Variants in TP63 observed in about 807,000 individuals in gnomAD.
TP63 encodes tumor protein p63.
Under a neutral mutation model 82.8 loss-of-function variants are expected in TP63, and 17 were observed. That is an observed-to-expected ratio of 0.21 (90% confidence interval 0.14 to 0.31). The LOEUF (loss-of-function observed/expected upper bound fraction) is 0.31, where lower values mean the gene tolerates loss of function less well. TP63 is among the 10% of genes least tolerant of loss of function. The pLI is 1.00. For synonymous variants in TP63, 330 were observed against 321.7 expected (o/e 1.03, Z -0.28); for missense variants, 648 against 895.3 (o/e 0.72, Z 3.52).
intron 1 of TP63, among the ~76,000 whole-genome samples, chr3:189,737,134 T>G (rs1169751521): frequency 6.6e-6 from 1 of 152,068 alleles, no homozygotes; most frequent in Non-Finnish European, 1.5e-5. Context: ...TACACTTTAA[T>G]TAAGAACCAC....
intron 3 of TP63, among the ~76,000 whole-genome samples, chr3:189,743,318 G>A (rs1368788238): frequency 6.6e-6 from 1 of 152,168 alleles, no homozygotes; most frequent in Non-Finnish European, 1.5e-5. Flanking sequence ...CAATGCTAGT[G>A]AGATTGTTGA....
chr3:189,740,880 C>G (rs540610711), intron 3 of TP63, among the ~76,000 whole-genome samples: 2 of 152,308 alleles, frequency 1.3e-5, no homozygotes, highest in African/African-American at 4.8e-5. Flanking sequence ...GGATACCATT[C>G]ACATTTTTTC....
chr3:189,751,292 G>A (rs989055945), intron 3 of TP63, among the ~76,000 whole-genome samples: 21 of 152,138 alleles, frequency 1.4e-4, no homozygotes, highest in Non-Finnish European at 5.9e-5. Flanking sequence ...GTGTGCATGT[G>A]TCTTTATAGT....
rs376434957 is a variant in TP63, at chr3:189,738,782, G to A, written c.324+8G>A. The A allele has an allele frequency of 6.2e-6, 10 of 1,613,948 alleles. No individual in the cohort carries two copies. In the South Asian group the frequency reaches 1.1e-4, roughly 18 times the overall value. ...CTGAGTGACCCCATGTGGGTGAGTG[G>A]CACAGGCTTTCTCTTCAGTCTTTGG... is the stretch of plus-strand genomic sequence containing the variant. On this transcript the variant is annotated splice_region_variant and intron_variant, in intron 3 of 13. Coordinates refer to ENST00000264731, the MANE Select transcript of TP63 (RefSeq NM_003722.5).
Position 189,861,649 on chromosome 3 carries a change from T to C in TP63, c.580-2583T>C, listed in dbSNP as rs1048839548. ...ACCATTAAATGAGTAAGCAATATAC[T>C]GAGAAATTAATAAAACTATGTTAAA... On this transcript the variant is annotated intron_variant, in intron 4 of 13. Transcript: ENST00000264731. Among the ~76,000 whole-genome samples, 2 of 152,330 alleles carry C rather than the reference T, an allele frequency of 1.3e-5. 1 individual carries two copies. The highest frequency in any genetic ancestry group is 6.8e-3 in the Middle Eastern group (2 of 294).
intron 3 of TP63, among the ~76,000 whole-genome samples, chr3:189,748,506 TACA>T (rs1721547903): frequency 1.7e-4 from 1 of 5,776 alleles, no homozygotes; most frequent in Non-Finnish European, 3.6e-4. Flanking sequence ...CAAGGAAAAC[TACA>T]AAAAAAAAAA....
intron 3 of TP63, among the ~76,000 whole-genome samples, chr3:189,791,444 G>C (rs779107039): frequency 6.6e-6 from 1 of 152,038 alleles, no homozygotes; most frequent in Non-Finnish European, 1.5e-5. Context: ...CTTTTATGGA[G>C]GCAAAAGAGT....
In TP63 at chr3:189,894,797, T is replaced by A. The variant is rs886058226; in HGVS notation, c.*295T>A. 1.1e-5 allele frequency: 5 copies of A among 436,592 alleles called. No homozygotes were observed. The highest frequency in any genetic ancestry group is 6.3e-4 in the Middle Eastern group (1 of 1,594). 27.0% of individuals were successfully genotyped at this position (436,592 alleles called of 1,614,324 possible). The stretch of plus-strand genomic sequence containing the variant: ...AAGCTGCAGAGATTTCTCATTGACT[T>A]TTATAAAGCATGTTCACCCTTATAG... On this transcript the variant is annotated 3_prime_UTR_variant, in exon 14 of 14. Coordinates refer to ENST00000264731, the MANE Select transcript of TP63 (RefSeq NM_003722.5).
chr3:189,758,207 A>G (rs1043485449), intron 3 of TP63, among the ~76,000 whole-genome samples: 1 of 152,206 alleles, frequency 6.6e-6, no homozygotes, highest in Non-Finnish European at 1.5e-5. Flanking sequence ...GCAGTTCACA[A>G]CAGGGTTCGT....
chr3:189,712,742 G>A (rs992381952), intron 1 of TP63, among the ~76,000 whole-genome samples: 1 of 150,996 alleles, frequency 6.6e-6, no homozygotes, highest in Non-Finnish European at 1.5e-5. Flanking sequence ...AATATGGAAA[G>A]GTGTTTCAGA....
rs752535926 is a variant in TP63, at chr3:189,864,414, C to T, written c.762C>T (p.Asn254=). ...ACCATGAGCTGAGCCGTGAATTCAA[C>T]GAGGGTAAGCAGAATTTGAATCTCT... ...CPNHELSREF[N]EGQIAPPSHL... is the part of the protein sequence containing the mutation. The change falls in exon 5 of 14, where the codon AAC becomes AAT. Residue 254 remains asparagine, a synonymous_variant. Transcript: ENST00000264731. The T allele has an allele frequency of 3.3e-5, 54 of 1,612,176 alleles. No homozygotes were observed. The highest frequency in any genetic ancestry group is 1.2e-4 in the South Asian group (11 of 90,874).
chr3:189,864,478 A>G, intron 5 of TP63, 60 bp downstream of exon 5: 1 of 1,525,340 alleles, frequency 6.6e-7, no homozygotes, highest in South Asian at 1.2e-5. Flanking sequence ...TTCTGTGGGC[A>G]TTTTTGTTTG....
rs2108873838 is a variant in TP63 at position 189,894,332 on chromosome 3, A to G, written c.1873A>G (p.Thr625Ala). The G allele has an allele frequency of 1.9e-6, 3 of 1,613,938 alleles. No homozygotes were observed. Among genetic ancestry groups the G allele is most frequent in the Non-Finnish European group, 2.5e-6 (3 of 1,179,976 alleles). ...HLLRTPSSASTVSVGSSETRG... is the reference protein window; with the variant it reads ...HLLRTPSSASAVSVGSSETRG... ...CCTGCGGACCCCAAGCAGTGCCTCTACAGTCAGTGTGGGCTCCAGTGAGAC... is the reference window on the plus strand; with the variant it reads ...CCTGCGGACCCCAAGCAGTGCCTCTGCAGTCAGTGTGGGCTCCAGTGAGAC... Residue 625 changes from threonine to alanine, a missense_variant, in exon 14 of 14, where the codon ACA becomes GCA. By Grantham distance (58) the Thr-to-Ala change is moderately conservative. Coordinates refer to ENST00000264731, the MANE Select transcript of TP63 (RefSeq NM_003722.5).
rs1395004909 is a variant in TP63, at chr3:189,895,261, G to T, written c.*759G>T. The T allele has an allele frequency of 4.5e-6, 1 of 220,788 alleles. No individual in the cohort carries two copies. The highest frequency in any genetic ancestry group is 2.2e-5 in the African/African-American group (1 of 44,602). The allele number at this position is 220,788 out of a possible 1,614,324, so 13.7% of individuals were successfully genotyped here. On this transcript the variant is annotated 3_prime_UTR_variant, in exon 14 of 14. Transcript: ENST00000264731. ...TATAAGAAGAAGTTCATGTCCAAACGTCCTCTTTAGTTTTTGGTTGGGAAT... is the reference window on the plus strand; with the variant it reads ...TATAAGAAGAAGTTCATGTCCAAACTTCCTCTTTAGTTTTTGGTTGGGAAT...
At chr3:189,708,674 C>T (rs865989493) in intron 1 of TP63, among the ~76,000 whole-genome samples, 3 of 152,198 alleles carry the variant, frequency 2.0e-5, no homozygotes, top group Middle Eastern at 6.8e-3. Flanking sequence ...GGTCTTGAAC[C>T]CCTAAACCCA....
chr3:189,889,411 C>A lies in TP63; in HGVS notation c.1579C>A (p.Pro527Thr), dbSNP rs1239219693. ...ACTCAGCCCCACCCAGGCACTCCCT[C>A]CCCCACTCTCCATGCCATCCACCTC... Reference protein sequence around the residue: ...NGLSPTQALPPPLSMPSTSHC... With the variant: ...NGLSPTQALPTPLSMPSTSHC... Residue 527 changes from proline (P) to threonine (T), a missense_variant, in exon 12 of 14, where the codon CCC becomes ACC. Transcript: ENST00000264731. 3 of 1,614,088 alleles carry A rather than the reference C, an allele frequency of 1.9e-6. No individual in the cohort carries two copies. The South Asian group carries it at 3.3e-5, about 18-fold the overall frequency.
intron 1 of TP63, among the ~76,000 whole-genome samples, chr3:189,711,698 GCAGTACCATAATGACTGACAGCCTA>G (rs1446578047): frequency 1.3e-5 from 2 of 152,108 alleles, no homozygotes; most frequent in African/African-American, 4.8e-5. Context: ...TTGTGTTGTA[GCAGTACCATAATGACTGACAGCCTA>G]CAGTACTCTG....
intron 1 of TP63, among the ~76,000 whole-genome samples, chr3:189,676,423 G>C (rs1333005078): frequency 6.6e-6 from 1 of 152,146 alleles, no homozygotes; most frequent in East Asian, 1.9e-4. Flanking sequence ...TTGTCTGTCT[G>C]TGCCTGGTTT....
chr3:189,835,255 A>T (rs1167314908), intron 4 of TP63, among the ~76,000 whole-genome samples: 1 of 151,686 alleles, frequency 6.6e-6, no homozygotes. Context: ...GTTATATTTT[A>T]TAAAAATTAA....
Sources: gnomAD v4.1 joint callset for allele counts (sites outside exome capture counted in the v4.1 genomes callset) on GRCh38, gnomAD v4.1.1 for gene constraint, MANE v1.5 for transcripts, NCBI Gene and HGNC (gene_info 2026-07-23, HGNC 2026-07-21) for gene names.